PDE1A: variants seen among roughly 807,000 people sequenced by gnomAD.
PDE1A encodes dual specificity calcium/calmodulin-dependent 3',5'-cyclic nucleotide phosphodiesterase 1A.
A neutral mutation model predicts 61.7 loss-of-function variants in PDE1A; 35 were observed. That is an observed-to-expected ratio of 0.57 (90% CI 0.43 to 0.75). PDE1A has a LOEUF of 0.75. Ranked by LOEUF, PDE1A falls within the 30% of genes least tolerant of loss-of-function variation. PDE1A has a pLI of 0.00. For synonymous variants in PDE1A, 232 were observed against 213.2 expected (o/e 1.09, Z -0.77); for missense variants, 597 against 630.6 (o/e 0.95, Z 0.57).
the PDE1A span, among the ~76,000 whole-genome samples, chr2:182,621,429 A>G: frequency 6.6e-6 from 1 of 152,124 alleles, no homozygotes; most frequent in Admixed American, 6.5e-5. Flanking sequence ...TGGAAACACA[A>G]AAGCCTCAGT....
chr2:182,712,941 A>G, the PDE1A span, among the ~76,000 whole-genome samples: 2 of 152,110 alleles, frequency 1.3e-5, no homozygotes, highest in African/African-American at 2.4e-5. Flanking sequence ...TCATAGGAAA[A>G]GGCCCAAACT....
chr2:182,586,463 ATTTAC>A, the PDE1A span, among the ~76,000 whole-genome samples: 1 of 152,022 alleles, frequency 6.6e-6, no homozygotes, highest in Non-Finnish European at 1.5e-5. Context: ...CCTCCCAATT[ATTTAC>A]TTTGACTGTC....
intron 1 of PDE1A, among the ~76,000 whole-genome samples, chr2:182,283,612 A>T (rs1306273720): frequency 6.6e-6 from 1 of 152,110 alleles, no homozygotes; most frequent in Non-Finnish European, 1.5e-5. Context: ...AAATGAGTTA[A>T]ATCTTGAGTT....
chr2:182,714,205 CAAAA>C, the PDE1A span, among the ~76,000 whole-genome samples: 2 of 152,112 alleles, frequency 1.3e-5, no homozygotes, highest in Non-Finnish European at 2.9e-5. Flanking sequence ...ATAAAATGAA[CAAAA>C]ATCCACCTTC....
At chr2:182,644,965 A>G in the PDE1A span, among the ~76,000 whole-genome samples, 1 of 151,540 alleles carries the variant, frequency 6.6e-6, no homozygotes, top group African/African-American at 2.4e-5. Context: ...TGCTTCCTCA[A>G]GCATGCCCAT....
At chr2:182,711,465 G>A in the PDE1A span, among the ~76,000 whole-genome samples, 2 of 151,996 alleles carry the variant, frequency 1.3e-5, no homozygotes, top group African/African-American at 4.8e-5. Context: ...ATGTGGAGGT[G>A]TATATGTGTG....
Position 182,216,059 on chromosome 2 carries a change from T to G in PDE1A, c.776+7805A>C, listed in dbSNP as rs1482234181. ...CGAATCCAGCAGCACATCAAAAAGC[T>G]TATCCACCATGATCAAGTGGGCTTC... On this transcript the variant is annotated intron_variant, in intron 7 of 13. Transcript: ENST00000351439. Among the ~76,000 whole-genome samples the G allele has an allele frequency of 4.8e-4, 35 of 72,688 alleles. 3 individuals carry two copies. The highest frequency in any genetic ancestry group is 6.7e-4 in the Non-Finnish European group (25 of 37,302). 47.7% of individuals were successfully genotyped at this position (72,688 alleles called of 152,430 possible). A position where few individuals can be genotyped will look rare whatever the true frequency, so the allele number is the denominator to read the frequency against.
At chr2:182,286,483 C>A (rs1010419220) in intron 1 of PDE1A, among the ~76,000 whole-genome samples, 2 of 152,094 alleles carry the variant, frequency 1.3e-5, no homozygotes, top group Non-Finnish European at 2.9e-5. Context: ...AGGTAAAATC[C>A]TCAATCCAGT....
chr2:182,507,882 C>A (rs891781565), intron 2 of PDE1A, among the ~76,000 whole-genome samples: 1 of 151,540 alleles, frequency 6.6e-6, no homozygotes, highest in African/African-American at 2.4e-5. Flanking sequence ...CTAGCCATCT[C>A]TAAGTGCAAT....
In PDE1A at chr2:182,391,384, A is replaced by G. The variant is rs533148457; in HGVS notation, c.53+35194T>C. On this transcript the variant is annotated intron_variant, in intron 1 of 13. Coordinates refer to ENST00000351439, the Ensembl canonical transcript of PDE1A. The stretch of plus-strand genomic sequence containing the variant: ...CTGAAACATGGACCAAAGATGCCCC[A>G]CTGTGAGTGAGCTGGAAATGCCTGA... Among the ~76,000 whole-genome samples, 3 of 152,266 alleles carry G rather than the reference A, an allele frequency of 2.0e-5. No homozygotes were observed. In the Middle Eastern group the frequency reaches 0.01, roughly 518 times the overall value.
chr2:182,638,928 G>A, the PDE1A span, among the ~76,000 whole-genome samples: 1 of 152,104 alleles, frequency 6.6e-6, no homozygotes, highest in Non-Finnish European at 1.5e-5. Context: ...GAATTTCAGT[G>A]GTGAGAACTC....
At chr2:182,392,355 G>A (rs988236897) in intron 1 of PDE1A, among the ~76,000 whole-genome samples, 3 of 152,192 alleles carry the variant, frequency 2.0e-5, no homozygotes, top group East Asian at 3.9e-4. Flanking sequence ...AGAACAGCAC[G>A]TGAAAAATCC....
At chr2:182,307,086 T>G (rs1392527214) in intron 1 of PDE1A, among the ~76,000 whole-genome samples, 3 of 152,100 alleles carry the variant, frequency 2.0e-5, no homozygotes, top group African/African-American at 7.2e-5. Context: ...AAAAGGAAAT[T>G]AAACAACTCA....
At chr2:182,595,049 C>G in the PDE1A span, among the ~76,000 whole-genome samples, 2 of 152,024 alleles carry the variant, frequency 1.3e-5, no homozygotes, top group Non-Finnish European at 2.9e-5. Flanking sequence ...CTGTGGTAAG[C>G]CTTTTTGTTA....
the PDE1A span, among the ~76,000 whole-genome samples, chr2:182,610,411 C>T: frequency 2.0e-5 from 3 of 152,136 alleles, no homozygotes; most frequent in Non-Finnish European, 2.9e-5. Context: ...CCCTCAGCTC[C>T]TACAGCTGTA....
the PDE1A span, among the ~76,000 whole-genome samples, chr2:182,671,781 G>A: frequency 6.7e-3 from 886 of 132,836 alleles, 14 homozygotes; most frequent in African/African-American, 0.023. Flanking sequence ...CACCACGCCC[G>A]GCTAATTTTT....
chr2:182,145,280 AT>A (rs1690435353), downstream of PDE1A, among the ~76,000 whole-genome samples: 1 of 152,172 alleles, frequency 6.6e-6, no homozygotes, highest in Non-Finnish European at 1.5e-5. Context: ...GCTACTGAAG[AT>A]CACATTTCCC....
intron 1 of PDE1A, among the ~76,000 whole-genome samples, chr2:182,301,713 C>T (rs1695256839): frequency 6.6e-6 from 1 of 152,106 alleles, no homozygotes; most frequent in African/African-American, 2.4e-5. Flanking sequence ...AACAGTATGT[C>T]TTAGAATTCA....
intron 3 of PDE1A, among the ~76,000 whole-genome samples, chr2:182,238,166 G>A (rs972257871): frequency 6.6e-6 from 1 of 150,992 alleles, no homozygotes; most frequent in Non-Finnish European, 1.5e-5. Context: ...CTACTCGGGA[G>A]GCTGAGGCAG....
Sources: gnomAD v4.1 joint callset for allele counts (sites outside exome capture counted in the v4.1 genomes callset) on GRCh38, gnomAD v4.1.1 for gene constraint, MANE v1.5 for transcripts, NCBI Gene and HGNC (gene_info 2026-07-23, HGNC 2026-07-21) for gene names.